The following UPF1 variants were observed in gnomAD, a reference collection of about 807,000 sequenced individuals.
The protein encoded by UPF1 is UPF1 RNA helicase and ATPase.
Under a neutral mutation model 129.2 loss-of-function variants are expected in UPF1, and 9 were observed. The observed-to-expected ratio is 0.07, with a 90% confidence interval of 0.04 to 0.12. The LOEUF (loss-of-function observed/expected upper bound fraction) is 0.12, where lower values mean the gene tolerates loss of function less well. Ranked by LOEUF, UPF1 falls within the 10% of genes least tolerant of loss-of-function variation. The pLI, the probability that UPF1 is intolerant of heterozygous loss-of-function variation, is 1.00. For missense variants in UPF1, 788 were observed against 1,525.3 expected (o/e 0.52, Z 8.05); for synonymous variants, 649 against 644.9 (o/e 1.01, Z -0.10).
At chr19:18,844,403 A>G (rs956227628) in intron 1 of UPF1, among the ~76,000 whole-genome samples, 1 of 151,332 alleles carries the variant, frequency 6.6e-6, no homozygotes, top group Non-Finnish European at 1.5e-5. Flanking sequence ...AGCTCACTGC[A>G]ACCTGCGCCT....
At chr19:18,849,978 C>T (rs997104213) in intron 3 of UPF1, 97 bp from the exon 4 acceptor site, 10 of 1,493,916 alleles carry the variant, frequency 6.7e-6, no homozygotes, top group African/African-American at 2.8e-5. Flanking sequence ...GCTAATGGAC[C>T]GTGAACGGTA....
chr19:18,840,680 C>T lies in UPF1; in HGVS notation c.232-5300C>T, dbSNP rs1321633509. On this transcript the variant is annotated intron_variant, in intron 1 of 23. Transcript: ENST00000262803. ...TCCGGGCCCTGGCACCAGTGCTGTT[C>T]GGGGCTCCGGAGGGTTCATGGCCTT... Among the ~76,000 whole-genome samples, 8 of 152,114 alleles carry T rather than the reference C, an allele frequency of 5.3e-5. No individual in the cohort carries two copies. In the East Asian group the frequency reaches 1.2e-3, roughly 22 times the overall value.
chr19:18,855,387 A>C, intron 11 of UPF1, 145 bp downstream of exon 11: 1 of 830,196 alleles, frequency 1.2e-6, no homozygotes, highest in Non-Finnish European at 1.8e-6. Context: ...ACCGCTCTCT[A>C]TGTGACATTA....
At position 18,850,447 on chromosome 19, in the gene UPF1, C is replaced by T. The variant is rs973252488; in HGVS notation, c.629+205C>T. 6.6e-5 allele frequency among the ~76,000 whole-genome samples: 10 copies of T among 152,234 alleles called. No individual in the cohort carries two copies. The highest frequency in any genetic ancestry group is 1.3e-4 in the Admixed American group (2 of 15,290). On this transcript the variant is annotated intron_variant, in intron 4 of 23. Transcript: ENST00000262803. This position sits in a 1 kb window ranked among gnomAD's most constrained non-coding sequence, Gnocchi z 7.1. ...GCAGTGCCGTGTAACTCTTTTGGGG[C>T]GTTCTGGCTAAGTCATAAAAACAAT... is the stretch of plus-strand genomic sequence containing the variant.
rs931586699 is a variant in UPF1 at position 18,860,759 on chromosome 19, C to T, written c.2301-67C>T. On this transcript the variant is annotated intron_variant, in intron 16 of 23. Transcript: ENST00000262803. Reference sequence around the variant, plus strand: ...CAGGGTGTTGTGTCTGCACCCCTCACGGCCTCCAGCCTCAGGGCTCGGGAT... The same window carrying T: ...CAGGGTGTTGTGTCTGCACCCCTCATGGCCTCCAGCCTCAGGGCTCGGGAT... The T allele has an allele frequency of 3.7e-5, 59 of 1,589,482 alleles. No individual in the cohort carries two copies. The Admixed American group carries it at 7.6e-4, about 21-fold the overall frequency.
intron 1 of UPF1, among the ~76,000 whole-genome samples, chr19:18,845,371 C>T (rs1192662636): frequency 6.6e-6 from 1 of 152,206 alleles, no homozygotes; most frequent in Non-Finnish European, 1.5e-5. Context: ...CAGTTGTGGC[C>T]TGATGACTTA....
In UPF1 at chr19:18,832,564, G is replaced by C. The variant is rs375984936; in HGVS notation, c.231+124G>C. Reference sequence around the variant, plus strand: ...CCCCCATCGCGGCCGGGCCTGGGGCGATCTGCCCCGGGTCCCCTACTCTGG... The same window carrying C: ...CCCCCATCGCGGCCGGGCCTGGGGCCATCTGCCCCGGGTCCCCTACTCTGG... On this transcript the variant is annotated intron_variant, in intron 1 of 23. Coordinates refer to ENST00000262803, the MANE Select transcript of UPF1 (RefSeq NM_002911.4). This position sits in a 1 kb window ranked among gnomAD's most constrained non-coding sequence, Gnocchi z 5.6. 5.9e-4 allele frequency: 406 copies of C among 693,282 alleles called. No homozygotes were observed. In the African/African-American group the frequency reaches 7.3e-3, roughly 12 times the overall value. 42.9% of individuals were successfully genotyped at this position (693,282 alleles called of 1,614,324 possible).
chr19:18,853,295 A>G lies in UPF1; in HGVS notation c.1101A>G (p.Lys367=). 2.5e-6 allele frequency: 4 copies of G among 1,613,410 alleles called. No individual in the cohort carries two copies. Among genetic ancestry groups the G allele is most frequent in the Non-Finnish European group, 3.4e-6 (4 of 1,179,534 alleles). The change falls in exon 8 of 24, where the codon AAA becomes AAG. Residue 367 remains lysine (K), a synonymous_variant. Transcript: ENST00000262803. The surrounding 1 kb of genome is among the most constrained non-coding windows in gnomAD (Gnocchi z 4.4). ...GGGATGAGATATGCCTGCGGTACAA[A>G]GGGGACCTTGCGCCCCTGTGGAAAG... ...MQGDEICLRY[K]GDLAPLWKGI...
chr19:18,855,876 C>T (rs758578553), intron 11 of UPF1, 49 bp from the exon 12 acceptor site: 2 of 1,598,286 alleles, frequency 1.3e-6, no homozygotes, highest in African/African-American at 2.7e-5. Context: ...TTACTACGTT[C>T]ACCGAGCTTC....
chr19:18,852,913 G>A, intron 6 of UPF1, 74 bp from the exon 7 acceptor site: 1 of 1,285,672 alleles, frequency 7.8e-7, no homozygotes, highest in Non-Finnish European at 1.1e-6. Context: ...GCCTCATGGG[G>A]CCTCGGGCAT....
chr19:18,862,355 G>A (rs1055134229), intron 18 of UPF1, among the ~76,000 whole-genome samples: 4 of 152,178 alleles, frequency 2.6e-5, no homozygotes, highest in African/African-American at 9.7e-5. Flanking sequence ...CCAGCAGGAC[G>A]TATTTTTCCA....
At chr19:18,838,711 GT>G (rs1233218278) in intron 1 of UPF1, among the ~76,000 whole-genome samples, 1 of 151,838 alleles carries the variant, frequency 6.6e-6, no homozygotes, top group Non-Finnish European at 1.5e-5. Context: ...CCCAGGTGTG[GT>G]TTTAGGGTGC....
rs952164650 is a variant in UPF1, at chr19:18,856,918, C to T, written c.1866C>T (p.Asp622=). The change falls in exon 14 of 24, where the codon GAC becomes GAT. Residue 622 remains aspartate, a synonymous_variant. Transcript: ENST00000262803. ...VICCTCVGAG[D]PRLAKMQFRS... ...GCTGCACATGTGTGGGCGCCGGTGA[C>T]CCGAGGCTGGCCAAGATGCAGTTCC... The T allele has an allele frequency of 1.2e-6, 2 of 1,612,148 alleles. No individual in the cohort carries two copies. Among genetic ancestry groups the T allele is most frequent in the Non-Finnish European group, 1.7e-6 (2 of 1,180,010 alleles).
chr19:18,846,169 T>C, intron 2 of UPF1, 50 bp downstream of exon 2: 1 of 1,607,304 alleles, frequency 6.2e-7, no homozygotes. Context: ...GGTGGGTGCC[T>C]CTGGCATGGG....
intron 11 of UPF1, chr19:18,855,491 C>T (rs537817197): frequency 6.2e-5 from 36 of 579,220 alleles, no homozygotes; most frequent in Non-Finnish European, 8.9e-5. Context: ...GCTGCAGCAG[C>T]GTGAGTTCCG....
intron 1 of UPF1, among the ~76,000 whole-genome samples, chr19:18,845,779 G>T (rs1427854370): frequency 2.0e-5 from 3 of 152,092 alleles, no homozygotes; most frequent in Non-Finnish European, 2.9e-5. Context: ...GTGGGGGACC[G>T]GGGGGTGTAG....
At chr19:18,861,581 C>G (rs1278669556) in intron 17 of UPF1, among the ~76,000 whole-genome samples, 1 of 152,194 alleles carries the variant, frequency 6.6e-6, no homozygotes, top group Non-Finnish European at 1.5e-5. Flanking sequence ...ACCTGGAGTC[C>G]CAGCACTTTG....
At position 18,851,010 on chromosome 19, in the gene UPF1, G is replaced by A. The variant is rs750466897; in HGVS notation, c.810+142G>A. On this transcript the variant is annotated intron_variant, in intron 5 of 23. Coordinates refer to ENST00000262803, the MANE Select transcript of UPF1 (RefSeq NM_002911.4). This position sits in a 1 kb window ranked among gnomAD's most constrained non-coding sequence, Gnocchi z 4.2. Reference sequence around the variant, plus strand: ...TCAGGCAGACCTCTGCCACCTCTACGTGGAATGACCTCAGGGCACCTTGGT... The same window carrying A: ...TCAGGCAGACCTCTGCCACCTCTACATGGAATGACCTCAGGGCACCTTGGT... 6.4e-6 allele frequency: 7 copies of A among 1,091,230 alleles called. No individual in the cohort carries two copies. Among genetic ancestry groups the A allele is most frequent in the South Asian group, 5.4e-5 (3 of 55,062 alleles). The allele number at this position is 1,091,230 out of a possible 1,614,324, so 67.6% of individuals were successfully genotyped here. A position where few individuals can be genotyped will look rare whatever the true frequency, so the allele number is the denominator to read the frequency against.
intron 1 of UPF1, among the ~76,000 whole-genome samples, chr19:18,838,852 G>A (rs553408623): frequency 6.6e-6 from 1 of 152,286 alleles, no homozygotes; most frequent in East Asian, 1.9e-4. Flanking sequence ...TTATGTGAAA[G>A]TGACCTGAGC....
Sources: allele counts gnomAD v4.1 joint callset (sites outside exome capture counted in the v4.1 genomes callset), GRCh38; gene constraint gnomAD v4.1.1; non-coding constraint Gnocchi (gnomAD v3.1); transcripts MANE v1.5; gene names NCBI Gene and HGNC (gene_info 2026-07-23, HGNC 2026-07-21).